Variants in TEX29 observed in about 807,000 individuals in gnomAD.
TEX29 encodes testis expressed 29.
A neutral mutation model predicts 18.2 loss-of-function variants in TEX29; 26 were observed. The ratio of observed to expected loss-of-function variants is 1.43; its 90% CI spans 1.04 to 1.98. The LOEUF (loss-of-function observed/expected upper bound fraction) is 1.98. TEX29 is among the 30% of genes most tolerant of loss of function. The pLI is 0.00. For missense variants in TEX29, 177 were observed against 194.2 expected (o/e 0.91, Z 0.53); for synonymous variants, 83 against 78.5 (o/e 1.06, Z -0.31).
intron 3 of TEX29, among the ~76,000 whole-genome samples, chr13:111,332,896 T>C (rs2093684664): frequency 6.6e-6 from 1 of 152,236 alleles, no homozygotes; most frequent in South Asian, 2.1e-4. Flanking sequence ...CCTAAGAGAC[T>C]CCCTTTGGTA....
intron 3 of TEX29, among the ~76,000 whole-genome samples, 167 bp from the exon 4 acceptor site, chr13:111,339,696 A>G (rs1048425805): frequency 7.4e-5 from 11 of 148,444 alleles, no homozygotes; most frequent in Non-Finnish European, 1.5e-4. Flanking sequence ...AGATGTCCAC[A>G]GAGCTGAGTC....
intron 3 of TEX29, among the ~76,000 whole-genome samples, chr13:111,331,284 T>A (rs1184527098): frequency 6.6e-6 from 1 of 151,354 alleles, no homozygotes; most frequent in African/African-American, 2.4e-5. Flanking sequence ...ATTCATATTA[T>A]TCTAATGAAT....
chr13:111,334,587 G>A (rs936379499), intron 3 of TEX29, among the ~76,000 whole-genome samples: 2 of 152,214 alleles, frequency 1.3e-5, no homozygotes, highest in Non-Finnish European at 2.9e-5. Context: ...AGATTCCCAG[G>A]AATGTGACAG....
intron 2 of TEX29, among the ~76,000 whole-genome samples, chr13:111,326,993 C>T (rs1248516570): frequency 2.0e-5 from 3 of 152,118 alleles, no homozygotes; most frequent in East Asian, 1.9e-4. Context: ...AGACCAGTCA[C>T]CCACCCCAGG....
chr13:111,329,113 A>G (rs1165119300), intron 3 of TEX29, among the ~76,000 whole-genome samples: 2 of 152,070 alleles, frequency 1.3e-5, no homozygotes, highest in Non-Finnish European at 2.9e-5. Context: ...GTGAAGCTTC[A>G]TGTGTTTCCT....
chr13:111,326,171 G>C (rs189590616), intron 2 of TEX29, among the ~76,000 whole-genome samples: 8 of 149,566 alleles, frequency 5.3e-5, no homozygotes, highest in Non-Finnish European at 1.2e-4. Flanking sequence ...CACGAGCTGG[G>C]TGCTGGCTGG....
intron 3 of TEX29, among the ~76,000 whole-genome samples, chr13:111,332,344 T>G (rs939930741): frequency 6.6e-6 from 1 of 152,228 alleles, no homozygotes; most frequent in Non-Finnish European, 1.5e-5. Context: ...AGATTGTCTA[T>G]TGCCAGCATA....
chr13:111,320,156 G>T (rs1321010417), upstream of TEX29, among the ~76,000 whole-genome samples: 1 of 152,188 alleles, frequency 6.6e-6, no homozygotes, highest in African/African-American at 2.4e-5. Context: ...CCCACCCTGT[G>T]GCAAGGGGCA....
At chr13:111,337,832 C>T (rs1448345322) in intron 3 of TEX29, among the ~76,000 whole-genome samples, 1 of 152,160 alleles carries the variant, frequency 6.6e-6, no homozygotes. Flanking sequence ...AGCTTGCAAC[C>T]CCAAGCCTCG....
chr13:111,321,598 G>A (rs941606187), intron 2 of TEX29, among the ~76,000 whole-genome samples: 3 of 151,190 alleles, frequency 2.0e-5, no homozygotes, highest in African/African-American at 7.3e-5. Flanking sequence ...TTCATGCAAT[G>A]CTTTTATAAA....
At chr13:111,333,781 G>A (rs774179099) in intron 3 of TEX29, among the ~76,000 whole-genome samples, 3 of 150,218 alleles carry the variant, frequency 2.0e-5, no homozygotes, top group Admixed American at 6.6e-5. Flanking sequence ...AAGGTTGTGG[G>A]AAGGGAACTG....
chr13:111,339,219 A>C, intron 3 of TEX29: 1 of 454,796 alleles, frequency 2.2e-6, no homozygotes, highest in Non-Finnish European at 4.4e-6. Flanking sequence ...TGGGGATTGC[A>C]GGAACCCCTT....
chr13:111,330,078 T>C (rs1409860571), intron 3 of TEX29, among the ~76,000 whole-genome samples: 1 of 152,054 alleles, frequency 6.6e-6, no homozygotes, highest in African/African-American at 2.4e-5. Context: ...GAACAAAAGT[T>C]TTTTGCAGTA....
chr13:111,330,642 A>G (rs1033793383), intron 3 of TEX29, among the ~76,000 whole-genome samples: 12 of 152,382 alleles, frequency 7.9e-5, no homozygotes, highest in East Asian at 1.9e-4. Context: ...CTTTTAGTAT[A>G]TTCACAGTTG....
At chr13:111,343,097 A>C (rs2093699261) in intron 5 of TEX29, among the ~76,000 whole-genome samples, 166 bp downstream of exon 5, 1 of 152,294 alleles carries the variant, frequency 6.6e-6, no homozygotes, top group East Asian at 1.9e-4. Flanking sequence ...TTGGAGGTTC[A>C]GGTTTGCAGG....
At chr13:111,329,610 C>T (rs953677492) in intron 3 of TEX29, among the ~76,000 whole-genome samples, 9 of 151,896 alleles carry the variant, frequency 5.9e-5, no homozygotes, top group East Asian at 3.9e-4. Context: ...GGCTGCTCAC[C>T]GCTTGCAAAG....
At chr13:111,338,407 T>C (rs957331050) in intron 3 of TEX29, among the ~76,000 whole-genome samples, 1 of 152,078 alleles carries the variant, frequency 6.6e-6, no homozygotes, top group Non-Finnish European at 1.5e-5. Context: ...CCGGGAGCCT[T>C]TGAAAAGAAC....
At chr13:111,326,480 T>C (rs1351022484) in intron 2 of TEX29, among the ~76,000 whole-genome samples, 3 of 117,034 alleles carry the variant, frequency 2.6e-5, no homozygotes, top group African/African-American at 9.9e-5. Flanking sequence ...CTGCGGGCAG[T>C]GCGAGCCTGT....
At chr13:111,325,962 T>C (rs2093672164) in intron 2 of TEX29, among the ~76,000 whole-genome samples, 1 of 152,254 alleles carries the variant, frequency 6.6e-6, no homozygotes, top group Non-Finnish European at 1.5e-5. Context: ...TTCTCCTGGC[T>C]CTGTGAGCAG....
Sources: gnomAD v4.1 joint callset for allele counts (sites outside exome capture counted in the v4.1 genomes callset) on GRCh38, gnomAD v4.1.1 for gene constraint, MANE v1.5 for transcripts, NCBI Gene and HGNC (gene_info 2026-07-23, HGNC 2026-07-21) for gene names.